Variants in CEP97 observed in about 807,000 individuals in gnomAD.
CEP97 encodes centrosomal protein of 97 kDa.
In CEP97, 43 loss-of-function variants were observed where a neutral mutation model predicts 73.1. That is an observed-to-expected ratio of 0.59 (90% CI 0.46 to 0.76). The LOEUF (loss-of-function observed/expected upper bound fraction) is 0.76, where lower values mean the gene tolerates loss of function less well. CEP97 is among the 30% of genes least tolerant of loss of function. The probability of loss-of-function intolerance (pLI) is 0.00; values close to 1 mark genes in which losing one functional copy is unlikely to be tolerated. For synonymous variants in CEP97, 337 were observed against 370.0 expected (o/e 0.91, Z 1.02); for missense variants, 939 against 1,014.0 (o/e 0.93, Z 1.00).
chr3:101,769,182 C>T lies in CEP97; in HGVS notation c.*3631C>T, dbSNP rs550129453. On this transcript the variant is annotated 3_prime_UTR_variant, in exon 11 of 11. Coordinates refer to ENST00000341893, the MANE Select transcript of CEP97 (RefSeq NM_024548.4). ...TATCTCCCTTGGTATTTTTTGTGTG[C>T]AAAGTCTTAGAATTGGATTTATAAC... is the stretch of plus-strand genomic sequence containing the variant. The T allele has an allele frequency of 6.6e-6, 1 of 151,916 alleles. No homozygotes were observed. Among genetic ancestry groups the T allele is most frequent in the South Asian group, 2.1e-4 (1 of 4,808 alleles). 9.4% of individuals were successfully genotyped at this position (151,916 alleles called of 1,614,324 possible). A position where few individuals can be genotyped will look rare whatever the true frequency, so the allele number is the denominator to read the frequency against.
Position 101,760,022 on chromosome 3 carries a change from CAAAAAAAA to C in CEP97, c.1817+1616_1817+1623del, listed in dbSNP as rs78933956. Reference sequence around the variant, plus strand: ...AAGGAGGGAAAAACTGATGGTGCAGCAAAAAAAAAAAAAAAAAAAAAAAAGAGGAAGAG... The same window carrying C: ...AAGGAGGGAAAAACTGATGGTGCAGCAAAAAAAAAAAAAAAAGAGGAAGAG... On this transcript the variant is annotated intron_variant, in intron 9 of 10. Transcript: ENST00000341893. Among the ~76,000 whole-genome samples, 10 of 88,620 alleles carry C rather than the reference CAAAAAAAA, an allele frequency of 1.1e-4. No homozygotes were observed. In the East Asian group the frequency reaches 1.8e-3, roughly 16 times the overall value. 58.1% of individuals were successfully genotyped at this position (88,620 alleles called of 152,430 possible). A position where few individuals can be genotyped will look rare whatever the true frequency, so the allele number is the denominator to read the frequency against.
intron 6 of CEP97, among the ~76,000 whole-genome samples, chr3:101,751,415 G>C (rs1938815631): frequency 1.3e-5 from 2 of 152,202 alleles, no homozygotes; most frequent in Non-Finnish European, 1.5e-5. Context: ...GAGTTCTGTA[G>C]ATATCTATTA....
intron 6 of CEP97, among the ~76,000 whole-genome samples, chr3:101,746,266 G>A (rs1173371089): frequency 6.6e-6 from 1 of 152,138 alleles, no homozygotes; most frequent in Admixed American, 6.5e-5. Flanking sequence ...CACACTACCT[G>A]ACTTTAAACT....
intron 4 of CEP97, among the ~76,000 whole-genome samples, chr3:101,729,838 C>A (rs77134242): frequency 6.6e-6 from 1 of 151,802 alleles, no homozygotes; most frequent in Non-Finnish European, 1.5e-5. Context: ...TCTTGGCTCA[C>A]TGCAACCCAA....
chr3:101,731,002 G>C (rs979152804), intron 4 of CEP97, among the ~76,000 whole-genome samples: 1 of 149,264 alleles, frequency 6.7e-6, no homozygotes, highest in Non-Finnish European at 1.5e-5. Flanking sequence ...TATCTGATCA[G>C]AATCCTGGGT....
chr3:101,743,808 G>T (rs529764354), intron 6 of CEP97, among the ~76,000 whole-genome samples: 18 of 152,202 alleles, frequency 1.2e-4, no homozygotes, highest in Admixed American at 4.6e-4. Flanking sequence ...TTTGAGACCA[G>T]CCTGACCAAT....
chr3:101,736,725 C>A (rs1418325106), intron 6 of CEP97, among the ~76,000 whole-genome samples: 1 of 152,180 alleles, frequency 6.6e-6, no homozygotes, highest in African/African-American at 2.4e-5. Context: ...GTAGATAAAT[C>A]CACGAAGATG....
chr3:101,734,495 G>A (rs548235476), intron 6 of CEP97, among the ~76,000 whole-genome samples: 22 of 152,270 alleles, frequency 1.4e-4, no homozygotes, highest in Admixed American at 4.6e-4. Context: ...GAGGACGGGT[G>A]GTAGATTACA....
At chr3:101,741,951 A>G (rs759296860) in intron 6 of CEP97, among the ~76,000 whole-genome samples, 4 of 151,708 alleles carry the variant, frequency 2.6e-5, no homozygotes, top group Non-Finnish European at 4.4e-5. Flanking sequence ...CTGAGGCAGG[A>G]GAGTCGCTTG....
intron 6 of CEP97, among the ~76,000 whole-genome samples, chr3:101,736,884 C>T (rs1938297135): frequency 6.6e-6 from 1 of 152,126 alleles, no homozygotes; most frequent in African/African-American, 2.4e-5. Context: ...AGAATAATAA[C>T]AAACTCCGTT....
rs1938336862 is a variant in CEP97 at position 101,738,023 on chromosome 3, A to AG, written c.728+5369_728+5370insG. On this transcript the variant is annotated intron_variant, in intron 6 of 10. Transcript: ENST00000341893. ...AACAAATGGAAAGCAAAAAAAAAAA[A>AG]AAAAAAAAAAAGCAGGGGTTACAAT... Among the ~76,000 whole-genome samples the AG allele has an allele frequency of 2.0e-5, 3 of 150,576 alleles. No homozygotes were observed. The South Asian group carries it at 6.2e-4, about 31-fold the overall frequency.
At chr3:101,732,374 A>G in intron 5 of CEP97, 114 bp from the exon 6 acceptor site, 7 of 721,752 alleles carry the variant, frequency 9.7e-6, no homozygotes, top group Non-Finnish European at 1.4e-5. Flanking sequence ...CACTTTTCAG[A>G]ACAAGAGGGA....
At chr3:101,758,553 T>G (rs1939086071) in intron 9 of CEP97, 130 bp downstream of exon 9, 1 of 1,142,558 alleles carries the variant, frequency 8.8e-7, no homozygotes, top group Non-Finnish European at 1.2e-6. Context: ...TTGCTTTGGT[T>G]GTCTCCTACA....
In CEP97 at chr3:101,758,366, A is replaced by G. The variant is rs748416878; in HGVS notation, c.1760A>G (p.Glu587Gly). ...YNPQAKDVRY[E>G]IRLRRMQEHI... ...CCTCAAGCCAAAGATGTGCGTTACG[A>G]AATCCGGCTACGCAGAATGCAAGAG... is the stretch of plus-strand genomic sequence containing the variant. The change falls in exon 9 of 11, where the codon GAA becomes GGA. Residue 587 changes from glutamate (E) to glycine (G), a missense_variant. Transcript: ENST00000341893. 5.0e-6 allele frequency: 8 copies of G among 1,614,096 alleles called. No individual in the cohort carries two copies. In the South Asian group the frequency reaches 7.7e-5, roughly 16 times the overall value.
At chr3:101,756,306 G>A (rs537761794) in intron 7 of CEP97, among the ~76,000 whole-genome samples, 181 of 152,000 alleles carry the variant, frequency 1.2e-3, no homozygotes, top group Non-Finnish European at 2.2e-3. Context: ...TGATCTGCCC[G>A]CCTTGGCCTC....
In CEP97 at chr3:101,740,801, C is replaced by G. The variant is rs144466645; in HGVS notation, c.728+8147C>G. Among the ~76,000 whole-genome samples the G allele has an allele frequency of 3.4e-3, 511 of 152,320 alleles. 10 individuals are homozygous for G. In the East Asian group the frequency reaches 0.053, roughly 16 times the overall value. The stretch of plus-strand genomic sequence containing the variant: ...ATGGGGTTTCTCCATGTTGGTCAGA[C>G]TGGTCTTGAACTCCCTACCTCAGGT... On this transcript the variant is annotated intron_variant, in intron 6 of 10. Transcript: ENST00000341893.
intron 1 of CEP97, among the ~76,000 whole-genome samples, chr3:101,725,300 C>G (rs995567065): frequency 6.6e-6 from 1 of 152,186 alleles, no homozygotes; most frequent in African/African-American, 2.4e-5. Context: ...GAGCACAGGA[C>G]TGTGTGGGTG....
intron 10 of CEP97, chr3:101,763,111 A>G: frequency 5.9e-6 from 7 of 1,190,052 alleles, no homozygotes; most frequent in Non-Finnish European, 7.7e-6. Flanking sequence ...TTTTATAGAA[A>G]TGGGGTCTTG....
chr3:101,744,469 G>T (rs1963961), intron 6 of CEP97, among the ~76,000 whole-genome samples: 47,729 of 151,446 alleles, frequency 0.32, 7,726 homozygotes, highest in Non-Finnish European at 0.35. Context: ...TGTAATTCCA[G>T]CTACTTGGGA....
Sources: gnomAD v4.1 joint callset for allele counts (sites outside exome capture counted in the v4.1 genomes callset) on GRCh38, gnomAD v4.1.1 for gene constraint, MANE v1.5 for transcripts, NCBI Gene and HGNC (gene_info 2026-07-23, HGNC 2026-07-21) for gene names.